EIF2AK4: variants seen among roughly 807,000 people sequenced by gnomAD.
The protein encoded by EIF2AK4 is eukaryotic translation initiation factor 2 alpha kinase 4, also known as eIF-2-alpha kinase GCN2.
Under a neutral mutation model 211.1 loss-of-function variants are expected in EIF2AK4, and 139 were observed. The observed-to-expected ratio is 0.66, with a 90% CI of 0.57 to 0.76. The LOEUF is 0.76. EIF2AK4 is among the 30% of genes least tolerant of loss of function. The pLI is 0.00. For missense variants in EIF2AK4, 1,664 were observed against 2,043.8 expected (o/e 0.81, Z 3.58); for synonymous variants, 710 against 751.3 (o/e 0.94, Z 0.90).
At position 40,017,169 on chromosome 15, in the gene EIF2AK4, T is replaced by G; in HGVS notation, c.3992T>G (p.Phe1331Cys). 6.2e-7 allele frequency: 1 copy of G among 1,614,046 alleles called. No homozygotes were observed. Among genetic ancestry groups the G allele is most frequent in the Non-Finnish European group, 8.5e-7 (1 of 1,179,930 alleles). The stretch of plus-strand genomic sequence containing the variant: ...CAGCACAATGGAATCATCTTCCAGT[T>G]TGTGGCTTTCATCAAACGAAGGCAA... ...VQQHNGIIFQ[F>C]VAFIKRRQRA... The change falls in exon 29 of 39, where the codon TTT becomes TGT. Residue 1331 changes from phenylalanine (F) to cysteine (C), a missense_variant. By Grantham distance (205) the Phe-to-Cys change is radical. Coordinates refer to ENST00000263791, the MANE Select transcript of EIF2AK4 (RefSeq NM_001013703.4).
intron 8 of EIF2AK4, 128 bp downstream of exon 8, chr15:39,965,971 C>T (rs1324480523): frequency 7.8e-7 from 1 of 1,277,698 alleles, no homozygotes; most frequent in African/African-American, 1.5e-5. Flanking sequence ...ACTGTTTGAC[C>T]AGGGAGGACA....
chr15:39,973,451 TTA>T, intron 10 of EIF2AK4, 139 bp from the exon 11 acceptor site: 1 of 880,910 alleles, frequency 1.1e-6, no homozygotes. Flanking sequence ...AGGAAAAGTT[TTA>T]AAAGGCCACT....
intron 20 of EIF2AK4, among the ~76,000 whole-genome samples, chr15:40,000,394 CAA>C (rs778706699): frequency 4.1e-4 from 62 of 152,172 alleles, no homozygotes; most frequent in Admixed American, 2.2e-3. Context: ...TTATTATAAA[CAA>C]GAGGATTAAA....
Position 40,017,350 on chromosome 15 carries a change from T to C in EIF2AK4, c.4065+108T>C, listed in dbSNP as rs202053381. ...CCAAAAATTTGAACCAGTAATATCA[T>C]TGGATACTTCTATTAATATATGTTT... is the stretch of plus-strand genomic sequence containing the variant. On this transcript the variant is annotated intron_variant, in intron 29 of 38. Coordinates refer to ENST00000263791, the MANE Select transcript of EIF2AK4 (RefSeq NM_001013703.4). 155 of 1,251,498 alleles carry C rather than the reference T, an allele frequency of 1.2e-4. 1 individual carries two copies. The East Asian group carries it at 3.4e-3, about 27-fold the overall frequency. The allele number at this position is 1,251,498 out of a possible 1,614,324, so 77.5% of individuals were successfully genotyped here.
At chr15:39,987,925 A>G (rs1595411674) in intron 14 of EIF2AK4, 58 bp from the exon 15 acceptor site, 2 of 1,589,418 alleles carry the variant, frequency 1.3e-6, no homozygotes, top group African/African-American at 2.7e-5. Context: ...AATTGCAGTT[A>G]TACTCCTTCA....
intron 7 of EIF2AK4, 118 bp from the exon 8 acceptor site, chr15:39,965,568 C>A: frequency 8.6e-7 from 1 of 1,164,882 alleles, no homozygotes; most frequent in Non-Finnish European, 1.2e-6. Flanking sequence ...TCCTATTTTC[C>A]ATAGTTAGCG....
At position 39,955,664 on chromosome 15, in the gene EIF2AK4, TA is replaced by T; in HGVS notation, c.641del (p.Lys214ArgfsTer21). On this transcript the variant is annotated frameshift_variant, in exon 6 of 39. Transcript: ENST00000263791. LOFTEE classifies it high-confidence loss of function. ...ASLSNQDHTSKKDPGGHRTAA... is the reference protein window; with the variant it reads ...ASLSNQDHTSXKDPGGHRTAA... The stretch of plus-strand genomic sequence containing the variant: ...GTTTGTCAAACCAAGATCATACCTC[TA>T]AGAAGGACCCAGGAGGACACAGAAC... The T allele has an allele frequency of 6.2e-7, 1 of 1,612,144 alleles. No individual in the cohort carries two copies. Among genetic ancestry groups the T allele is most frequent in the Non-Finnish European group, 8.5e-7 (1 of 1,179,526 alleles).
chr15:40,004,851 C>T lies in EIF2AK4; in HGVS notation c.3357+1537C>T, dbSNP rs140384066. On this transcript the variant is annotated intron_variant, in intron 23 of 38. Transcript: ENST00000263791. Reference sequence around the variant, plus strand: ...AATTACAGGCATGAGCCGCCATGCCCAGCCAATCTATATTTTTATATAGAT... The same window carrying T: ...AATTACAGGCATGAGCCGCCATGCCTAGCCAATCTATATTTTTATATAGAT... 9.7e-3 allele frequency among the ~76,000 whole-genome samples: 1,484 copies of T among 152,306 alleles called. 28 individuals are homozygous for T. Among genetic ancestry groups the T allele is most frequent in the African/African-American group, 0.035 (1,435 of 41,552 alleles).
chr15:39,957,637 T>C (rs1379050903), intron 6 of EIF2AK4, among the ~76,000 whole-genome samples: 1 of 136,308 alleles, frequency 7.3e-6, no homozygotes, highest in Non-Finnish European at 1.8e-5. Flanking sequence ...CTTTGGAATG[T>C]GAGGTCTGTG....
In EIF2AK4 at chr15:40,017,551, A is replaced by ATATACATG. The variant is rs71132134; in HGVS notation, c.4065+312_4065+313insACATGTAT. ...TATATATATATATATATATATATAT[A>ATATACATG]TATGTATTTTGGAGACAGGGCCTTG... On this transcript the variant is annotated intron_variant, in intron 29 of 38. Transcript: ENST00000263791. Among the ~76,000 whole-genome samples, 36 of 87,088 alleles carry ATATACATG rather than the reference A, an allele frequency of 4.1e-4. 2 individuals are homozygous for ATATACATG. Among genetic ancestry groups the ATATACATG allele is most frequent in the African/African-American group, 1.6e-3 (35 of 22,384 alleles). 57.1% of individuals were successfully genotyped at this position (87,088 alleles called of 152,430 possible). A position where few individuals can be genotyped will look rare whatever the true frequency, so the allele number is the denominator to read the frequency against.
Position 40,020,973 on chromosome 15 carries a change from C to T in EIF2AK4, c.4248C>T (p.Thr1416=). ...QMSMSRAINL[T]QKLWTAGITA... ...CTATGTCCAGGGCCATCAACCTAAC[C>T]CAGAAACTCTGGACAGCAGGCATCA... Residue 1416 remains threonine (T), a synonymous_variant, in exon 31 of 39, where the codon ACC becomes ACT. Coordinates refer to ENST00000263791, the MANE Select transcript of EIF2AK4 (RefSeq NM_001013703.4). The T allele has an allele frequency of 6.2e-7, 1 of 1,613,690 alleles. No homozygotes were observed. Among genetic ancestry groups the T allele is most frequent in the Non-Finnish European group, 8.5e-7 (1 of 1,179,850 alleles).
rs1206201156 is a variant in EIF2AK4, at chr15:40,034,935, T to C, written c.4893-92T>C. 9.0e-6 allele frequency: 9 copies of C among 999,466 alleles called. No individual in the cohort carries two copies. The East Asian group carries it at 2.0e-4, about 22-fold the overall frequency. 61.9% of individuals were successfully genotyped at this position (999,466 alleles called of 1,614,324 possible). A position where few individuals can be genotyped will look rare whatever the true frequency, so the allele number is the denominator to read the frequency against. ...GCCTTCCATCTTGTTTTTGCTTAAATAAAGCTCCTACAGGTGTTATAAAAA... is the reference window on the plus strand; with the variant it reads ...GCCTTCCATCTTGTTTTTGCTTAAACAAAGCTCCTACAGGTGTTATAAAAA... On this transcript the variant is annotated intron_variant, in intron 38 of 38. Coordinates refer to ENST00000263791, the MANE Select transcript of EIF2AK4 (RefSeq NM_001013703.4).
At position 40,027,981 on chromosome 15, in the gene EIF2AK4, C is replaced by G. The variant is rs750853442; in HGVS notation, c.4503-1425C>G. Among the ~76,000 whole-genome samples the G allele has an allele frequency of 2.0e-4, 30 of 151,662 alleles. 1 individual carries two copies. Among genetic ancestry groups the G allele is most frequent in the Non-Finnish European group, 2.9e-5 (2 of 67,930 alleles). ...ATACAACCTATACATAAAAAAATGT[C>G]TAGAAGAACGTACCAAATTTTTAAT... On this transcript the variant is annotated intron_variant, in intron 33 of 38. Coordinates refer to ENST00000263791, the MANE Select transcript of EIF2AK4 (RefSeq NM_001013703.4).
At chr15:39,975,590 C>T (rs2034682918) in intron 11 of EIF2AK4, among the ~76,000 whole-genome samples, 1 of 152,184 alleles carries the variant, frequency 6.6e-6, no homozygotes, top group Non-Finnish European at 1.5e-5. Flanking sequence ...TTCAGTCACC[C>T]CAATTACATA....
intron 27 of EIF2AK4, among the ~76,000 whole-genome samples, chr15:40,014,915 C>CA (rs1049844209): frequency 3.9e-5 from 6 of 152,188 alleles, no homozygotes; most frequent in East Asian, 1.9e-4. Flanking sequence ...TACCCAAAAT[C>CA]ATCTCCCTCA....
chr15:39,949,499 A>G (rs759416667), intron 4 of EIF2AK4, among the ~76,000 whole-genome samples: 2 of 152,084 alleles, frequency 1.3e-5, no homozygotes, highest in African/African-American at 2.4e-5. Flanking sequence ...TAGAAGAGAA[A>G]AGAAGCTGTT....
intron 2 of EIF2AK4, among the ~76,000 whole-genome samples, 195 bp from the exon 3 acceptor site, chr15:39,943,188 C>G (rs149177889): frequency 3.5e-3 from 529 of 152,278 alleles, no homozygotes; most frequent in Admixed American, 6.5e-3. Flanking sequence ...AGACAGAAGG[C>G]TTTGGCCAGC....
At chr15:39,935,045 GA>G (rs897625657) in intron 1 of EIF2AK4, among the ~76,000 whole-genome samples, 18 of 149,594 alleles carry the variant, frequency 1.2e-4, no homozygotes, top group South Asian at 4.2e-4. Flanking sequence ...TGACCTAAAA[GA>G]AAAAAAAAAT....
intron 4 of EIF2AK4, 51 bp downstream of exon 4, chr15:39,949,319 A>C: frequency 3.1e-6 from 5 of 1,603,014 alleles, no homozygotes; most frequent in Non-Finnish European, 3.4e-6. Flanking sequence ...GGAGGATTGC[A>C]AACTACTGTA....
Sources: gnomAD v4.1 joint callset for allele counts (sites outside exome capture counted in the v4.1 genomes callset) on GRCh38, gnomAD v4.1.1 for gene constraint, MANE v1.5 for transcripts, NCBI Gene and HGNC (gene_info 2026-07-23, HGNC 2026-07-21) for gene names.